The following SOX6 variants were observed in gnomAD, a reference collection of about 807,000 sequenced individuals.
SOX6 encodes transcription factor SOX-6.
In SOX6, 11 loss-of-function variants were observed where a neutral mutation model predicts 97.8. The observed-to-expected ratio is 0.11, with a 90% confidence interval of 0.07 to 0.19. The LOEUF (loss-of-function observed/expected upper bound fraction) is 0.19. Among genes scored for constraint, SOX6 ranks in the 10% least tolerant of loss-of-function variants. The pLI, the probability that SOX6 is intolerant of heterozygous loss-of-function variation, is 1.00. For missense variants in SOX6, 810 were observed against 1,039.5 expected, an observed-to-expected ratio of 0.78 and a Z score of 3.04; for synonymous variants, 360 against 371.4, an observed-to-expected ratio of 0.97 and a Z score of 0.35.
At chr11:16,118,057 C>T (rs1849397483) in intron 6 of SOX6, among the ~76,000 whole-genome samples, 2 of 152,134 alleles carry the variant, frequency 1.3e-5, no homozygotes, top group Admixed American at 1.3e-4. Flanking sequence ...ACTGATTTTG[C>T]TAGCACAAAG....
intron 6 of SOX6, among the ~76,000 whole-genome samples, chr11:16,139,054 C>T (rs982607484): frequency 1.3e-5 from 2 of 152,270 alleles, no homozygotes; most frequent in Middle Eastern, 3.4e-3. Flanking sequence ...TCAGGTAATA[C>T]ATTTTTGTCA....
At chr11:16,644,566 T>C (rs934752605) in intron 3 of SOX6, among the ~76,000 whole-genome samples, 3 of 152,114 alleles carry the variant, frequency 2.0e-5, no homozygotes, top group Admixed American at 6.5e-5. Flanking sequence ...AGTGCATTCA[T>C]TTCATTCCAA....
At position 16,015,299 on chromosome 11, in the gene SOX6, T is replaced by C. The variant is rs61573169; in HGVS notation, c.1624-249A>G. On this transcript the variant is annotated intron_variant, in intron 12 of 15. Transcript: ENST00000683767. ...GACAGGGAACCTGCCAGAGCTTCTA[T>C]GCATATCTTCTCTCTGTCGGATTTG... 3,707 of 533,378 alleles carry C rather than the reference T, an allele frequency of 7.0e-3. 99 individuals are homozygous for C. Among genetic ancestry groups the C allele is most frequent in the African/African-American group, 0.063 (3,316 of 52,392 alleles). 33.0% of individuals were successfully genotyped at this position (533,378 alleles called of 1,614,324 possible). A position where few individuals can be genotyped will look rare whatever the true frequency, so the allele number is the denominator to read the frequency against.
At chr11:16,148,710 C>T (rs887983737) in intron 6 of SOX6, among the ~76,000 whole-genome samples, 1 of 152,098 alleles carries the variant, frequency 6.6e-6, no homozygotes, top group African/African-American at 2.4e-5. Flanking sequence ...ATTAATGCCT[C>T]TCTCTCCTTA....
chr11:16,055,237 AT>A (rs1176521151), intron 10 of SOX6, among the ~76,000 whole-genome samples: 11 of 151,990 alleles, frequency 7.2e-5, no homozygotes, highest in Non-Finnish European at 1.2e-4. Flanking sequence ...TTATTTATTT[AT>A]TTTTTTAAGT....
chr11:16,423,722 C>G (rs566516953), intron 1 of SOX6, among the ~76,000 whole-genome samples: 1 of 152,078 alleles, frequency 6.6e-6, no homozygotes, highest in Non-Finnish European at 1.5e-5. Context: ...TAGAGTTAAA[C>G]AGGCAGAACT....
At chr11:16,423,595 A>G (rs894292814) in intron 1 of SOX6, among the ~76,000 whole-genome samples, 1 of 152,184 alleles carries the variant, frequency 6.6e-6, no homozygotes, top group African/African-American at 2.4e-5. Context: ...AAGTCTGGTG[A>G]CTAACTGCTT....
At chr11:16,295,820 T>C (rs183346079) in intron 3 of SOX6, among the ~76,000 whole-genome samples, 9 of 152,208 alleles carry the variant, frequency 5.9e-5, no homozygotes, top group African/African-American at 2.2e-4. Flanking sequence ...GTGTCAGCAT[T>C]TCCTACTCAC....
intron 7 of SOX6, among the ~76,000 whole-genome samples, chr11:16,110,892 G>A (rs1215926596): frequency 6.6e-6 from 1 of 152,164 alleles, no homozygotes; most frequent in Admixed American, 6.5e-5. Flanking sequence ...CATACACAAA[G>A]AAACTGCTGC....
intron 4 of SOX6, among the ~76,000 whole-genome samples, chr11:16,564,801 T>C (rs1847851766): frequency 6.6e-6 from 1 of 152,028 alleles, no homozygotes; most frequent in Admixed American, 6.6e-5. Context: ...TTCTGAGGCA[T>C]GGCTAAAGCA....
At chr11:16,662,220 A>C (rs1460417473) in intron 3 of SOX6, among the ~76,000 whole-genome samples, 7 of 152,116 alleles carry the variant, frequency 4.6e-5, no homozygotes, top group African/African-American at 1.4e-4. Flanking sequence ...AAATTCCCTC[A>C]GTTTTTGCTT....
intron 6 of SOX6, among the ~76,000 whole-genome samples, chr11:16,121,204 A>G (rs750651957): frequency 3.0e-4 from 45 of 152,188 alleles, no homozygotes; most frequent in Non-Finnish European, 5.6e-4. Flanking sequence ...TGTTCTATTT[A>G]ATATTGAATT....
At chr11:16,010,169 C>CACAT (rs1854674952) in intron 13 of SOX6, among the ~76,000 whole-genome samples, 1 of 134,272 alleles carries the variant, frequency 7.4e-6, no homozygotes, top group Non-Finnish European at 1.7e-5. Context: ...CACACACACA[C>CACAT]ACACAAATAA....
chr11:16,085,373 C>A (rs1261383123), intron 9 of SOX6, among the ~76,000 whole-genome samples: 1 of 152,022 alleles, frequency 6.6e-6, no homozygotes, highest in Non-Finnish European at 1.5e-5. Context: ...TATTAAGAAG[C>A]TAAACTACCT....
At position 16,613,540 on chromosome 11, in the gene SOX6, G is replaced by A. The variant is rs1240870357; in HGVS notation, n.430-1280C>T. 6.6e-6 allele frequency among the ~76,000 whole-genome samples: 1 copy of A among 152,052 alleles called. No individual in the cohort carries two copies. The highest frequency in any genetic ancestry group is 1.5e-5 in the Non-Finnish European group (1 of 67,998). On this transcript the variant is annotated intron_variant and non_coding_transcript_variant, in intron 3 of 5. Coordinates refer to the SOX6 transcript ENST00000524520. This position sits in a 1 kb window ranked among gnomAD's most constrained non-coding sequence, Gnocchi z 4.6. ...TGAGGGCTCAGGTGATGGAGAGGAG[G>A]CTCGCGGCGTCCCAAACGGGTTCGG...
chr11:16,235,283 T>C (rs1377411813), intron 3 of SOX6, among the ~76,000 whole-genome samples: 1 of 152,104 alleles, frequency 6.6e-6, no homozygotes, highest in Non-Finnish European at 1.5e-5. Context: ...AATAAATACC[T>C]ATATAAATGC....
At chr11:16,460,347 A>T (rs1400708005) in intron 1 of SOX6, among the ~76,000 whole-genome samples, 1 of 151,876 alleles carries the variant, frequency 6.6e-6, no homozygotes, top group Non-Finnish European at 1.5e-5. Flanking sequence ...CTGATTATAA[A>T]CTCCTCCAGA....
At chr11:16,246,755 T>C (rs1853347362) in intron 3 of SOX6, among the ~76,000 whole-genome samples, 1 of 152,104 alleles carries the variant, frequency 6.6e-6, no homozygotes, top group Non-Finnish European at 1.5e-5. Context: ...TTAACAAATT[T>C]ATTTATTTTT....
At chr11:16,414,960 T>G (rs906884134) in intron 1 of SOX6, among the ~76,000 whole-genome samples, 3 of 152,172 alleles carry the variant, frequency 2.0e-5, no homozygotes, top group African/African-American at 7.2e-5. Context: ...GAGCTATAAA[T>G]AATGTATGCT....
Sources: allele counts gnomAD v4.1 joint callset (sites outside exome capture counted in the v4.1 genomes callset), GRCh38; gene constraint gnomAD v4.1.1; non-coding constraint Gnocchi (gnomAD v3.1); transcripts MANE v1.5; gene names NCBI Gene and HGNC (gene_info 2026-07-23, HGNC 2026-07-21).